DLGAP4: variants seen among roughly 807,000 people sequenced by gnomAD.
DLGAP4 encodes the protein disks large-associated protein 4.
DLGAP4 carries 18 observed loss-of-function variants against 86.9 expected under a neutral mutation model. The observed-to-expected ratio is 0.21, with a 90% CI of 0.14 to 0.31. The LOEUF is 0.31. DLGAP4 is among the 10% of genes least tolerant of loss of function. The pLI, the probability that DLGAP4 is intolerant of heterozygous loss-of-function variation, is 1.00. For synonymous variants in DLGAP4, 548 were observed against 574.3 expected (o/e 0.95, Z 0.65); for missense variants, 1,085 against 1,362.6 (o/e 0.80, Z 3.21).
intron 1 of DLGAP4, among the ~76,000 whole-genome samples, chr20:36,358,680 C>T (rs932044069): frequency 1.3e-5 from 2 of 151,966 alleles, no homozygotes; most frequent in Non-Finnish European, 2.9e-5. Context: ...TGGTGGTGGA[C>T]GCCTGTAGTC....
chr20:36,463,041 G>A (rs1227847700), intron 7 of DLGAP4, among the ~76,000 whole-genome samples: 1 of 152,134 alleles, frequency 6.6e-6, no homozygotes. Flanking sequence ...AGGCAGCTAG[G>A]CTGTGGGGTT....
chr20:36,513,927 A>T (rs1345060604), intron 10 of DLGAP4, among the ~76,000 whole-genome samples: 1 of 152,206 alleles, frequency 6.6e-6, no homozygotes, highest in Non-Finnish European at 1.5e-5. Context: ...AGAATAGAGA[A>T]GTCAAGCAGG....
intron 8 of DLGAP4, chr20:36,499,384 T>TGCCC (rs2147774721): frequency 1.1e-6 from 1 of 883,296 alleles, no homozygotes; most frequent in Non-Finnish European, 1.4e-6. Flanking sequence ...CCCGCCCGCC[T>TGCCC]GCCCGCCTCC....
At chr20:36,311,195 CAGA>C (rs2065049863) in intron 1 of DLGAP4, among the ~76,000 whole-genome samples, 1 of 146,762 alleles carries the variant, frequency 6.8e-6, no homozygotes, top group Non-Finnish European at 1.5e-5. Flanking sequence ...AACTGAGGCT[CAGA>C]GTGGTTGGGT....
chr20:36,331,073 C>G (rs1170347308), intron 1 of DLGAP4, among the ~76,000 whole-genome samples: 1 of 152,214 alleles, frequency 6.6e-6, no homozygotes, highest in Non-Finnish European at 1.5e-5. Flanking sequence ...AGAGACAGCT[C>G]ATCCCCCCTG....
intron 12 of DLGAP4, chr20:36,526,277 C>T (rs1291799663): frequency 8.2e-6 from 5 of 606,240 alleles, no homozygotes; most frequent in East Asian, 5.5e-5. Flanking sequence ...GCCTCAATCA[C>T]GTTATAACAG....
At chr20:36,428,669 G>A (rs965030473) in intron 2 of DLGAP4, among the ~76,000 whole-genome samples, 3 of 152,248 alleles carry the variant, frequency 2.0e-5, no homozygotes, top group African/African-American at 7.2e-5. Flanking sequence ...GGTGGGGCCT[G>A]CGTTAAGAGT....
chr20:36,456,842 G>C (rs575933375), intron 7 of DLGAP4, among the ~76,000 whole-genome samples: 1 of 152,342 alleles, frequency 6.6e-6, no homozygotes, highest in South Asian at 2.1e-4. Flanking sequence ...CCCCTCAGGG[G>C]GTAGAGAAGT....
chr20:36,314,050 C>T (rs2065075634), intron 1 of DLGAP4, among the ~76,000 whole-genome samples: 1 of 152,106 alleles, frequency 6.6e-6, no homozygotes, highest in South Asian at 2.1e-4. Context: ...CGGCATCTGA[C>T]ACTTCCTCAG....
chr20:36,387,512 T>C lies in DLGAP4; in HGVS notation c.-73+20237T>C, dbSNP rs1600468471. Among the ~76,000 whole-genome samples the C allele has an allele frequency of 3.9e-5, 6 of 152,324 alleles. No individual in the cohort carries two copies. In the South Asian group the frequency reaches 1.0e-3, roughly 26 times the overall value. ...AGTTTAAACTTTGGGGGTAGTAAAATTTATTTTCCCCTTCACTTGCTTTTA... is the reference window on the plus strand; with the variant it reads ...AGTTTAAACTTTGGGGGTAGTAAAACTTATTTTCCCCTTCACTTGCTTTTA... On this transcript the variant is annotated intron_variant, in intron 2 of 12. Transcript: ENST00000339266.
chr20:36,443,010 G>C (rs2147568985), intron 6 of DLGAP4, among the ~76,000 whole-genome samples: 1 of 152,302 alleles, frequency 6.6e-6, no homozygotes, highest in Middle Eastern at 3.4e-3. Context: ...TGAAAATGGG[G>C]AAGAATGAGC....
intron 7 of DLGAP4, among the ~76,000 whole-genome samples, chr20:36,456,313 C>G (rs533275918): frequency 6.6e-6 from 1 of 152,172 alleles, no homozygotes; most frequent in Non-Finnish European, 1.5e-5. Context: ...TCCATTGCCC[C>G]CTGTGCGTGG....
At chr20:36,335,131 A>G (rs1411936845) in intron 1 of DLGAP4, among the ~76,000 whole-genome samples, 2 of 152,144 alleles carry the variant, frequency 1.3e-5, no homozygotes, top group East Asian at 3.9e-4. Flanking sequence ...CACCTCTTAC[A>G]GAGCTGGAGG....
chr20:36,505,870 T>C (rs1223177624), intron 10 of DLGAP4, among the ~76,000 whole-genome samples: 1 of 152,046 alleles, frequency 6.6e-6, no homozygotes, highest in African/African-American at 2.4e-5. Context: ...TGTCTCCACA[T>C]TGAGTACACT....
At chr20:36,328,150 G>A (rs999519714) in intron 1 of DLGAP4, among the ~76,000 whole-genome samples, 11 of 152,118 alleles carry the variant, frequency 7.2e-5, no homozygotes, top group African/African-American at 2.4e-4. Flanking sequence ...AGTGAGCTGA[G>A]ATGGTACCAC....
chr20:36,497,173 GTC>G (rs2035924403), intron 8 of DLGAP4, 107 bp downstream of exon 8: 8 of 1,492,674 alleles, frequency 5.4e-6, no homozygotes, highest in African/African-American at 4.2e-5. Flanking sequence ...AAGGTGGTTT[GTC>G]TCTCTATTTT....
chr20:36,340,540 C>G (rs1422342803), intron 1 of DLGAP4, among the ~76,000 whole-genome samples: 1 of 152,190 alleles, frequency 6.6e-6, no homozygotes, highest in African/African-American at 2.4e-5. Context: ...CTATGTGCCC[C>G]CAGCCCAGGT....
At chr20:36,378,411 A>ACC (rs2031242347) in intron 2 of DLGAP4, among the ~76,000 whole-genome samples, 1 of 152,172 alleles carries the variant, frequency 6.6e-6, no homozygotes, top group Non-Finnish European at 1.5e-5. Flanking sequence ...GGGCTAGAAC[A>ACC]GCGCCTAGCA....
intron 1 of DLGAP4, among the ~76,000 whole-genome samples, chr20:36,309,910 TTCCTAGTGATGGAGACTGGTGCTG>T: frequency 6.6e-6 from 1 of 152,218 alleles, no homozygotes; most frequent in African/African-American, 2.4e-5. Context: ...TGCCAGGTGC[TTCCTAGTGATGGAGACTGGTGCTG>T]TCCAACCACT....
Sources: gnomAD v4.1 joint callset for allele counts (sites outside exome capture counted in the v4.1 genomes callset) on GRCh38, gnomAD v4.1.1 for gene constraint, MANE v1.5 for transcripts, NCBI Gene and HGNC (gene_info 2026-07-23, HGNC 2026-07-21) for gene names.